The following RALGDS variants were observed in gnomAD, a reference collection of about 807,000 sequenced individuals.
The protein encoded by RALGDS is ral guanine nucleotide exchange factor.
RALGDS carries 44 observed loss-of-function variants against 99.8 expected under a neutral mutation model. The observed-to-expected ratio is 0.44, with a 90% CI of 0.35 to 0.57. RALGDS has a LOEUF of 0.57. Among genes scored for constraint, RALGDS ranks in the 20% least tolerant of loss-of-function variants. RALGDS has a pLI of 0.01. For missense variants in RALGDS, 1,022 were observed against 1,203.1 expected, an observed-to-expected ratio of 0.85 and a Z score of 2.23; for synonymous variants, 529 against 505.0, an observed-to-expected ratio of 1.05 and a Z score of -0.64.
chr9:133,122,884 C>T (rs1831997857), upstream of RALGDS, among the ~76,000 whole-genome samples: 1 of 152,042 alleles, frequency 6.6e-6, no homozygotes, highest in Non-Finnish European at 1.5e-5. Flanking sequence ...CTGTATTTTT[C>T]GTAGAGACAG....
chr9:133,108,913 G>T, intron 4 of RALGDS, 47 bp from the exon 5 acceptor site: 1 of 1,543,892 alleles, frequency 6.5e-7, no homozygotes, highest in Non-Finnish European at 8.9e-7. Context: ...GGGCTCCCCT[G>T]AGCCAGGCTG....
At chr9:133,136,097 C>T (rs1832421201), upstream of RALGDS, among the ~76,000 whole-genome samples, 1 of 152,130 alleles carries the variant, frequency 6.6e-6, no homozygotes, top group Admixed American at 6.6e-5. Flanking sequence ...TACTGAACAC[C>T]TACTAGGTGC....
At position 133,144,013 on chromosome 9, in the gene RALGDS, G is replaced by A. The variant is rs534997635; in HGVS notation, c.18+4950C>T. Among the ~76,000 whole-genome samples the A allele has an allele frequency of 3.0e-3, 457 of 152,174 alleles. 2 individuals carry two copies. The Middle Eastern group carries it at 0.031, about 10-fold the overall frequency. On this transcript the variant is annotated intron_variant, in intron 1 of 17. Transcript: ENST00000393160. The surrounding 1 kb of genome is among the most constrained non-coding windows in gnomAD (Gnocchi z 4.5). ...GCTGTGCTGACCCCCACCAGGAGCA[G>A]CAGGACCACCTCAGGCATCCCAGCT...
chr9:133,116,321 C>T (rs945085737), intron 1 of RALGDS, among the ~76,000 whole-genome samples: 3 of 152,266 alleles, frequency 2.0e-5, no homozygotes, highest in African/African-American at 4.8e-5. Flanking sequence ...CGGGACGACA[C>T]GCGGTGCCTG....
intron 1 of RALGDS, among the ~76,000 whole-genome samples, chr9:133,148,006 C>T (rs1450842647): frequency 6.6e-6 from 1 of 152,190 alleles, no homozygotes; most frequent in Non-Finnish European, 1.5e-5. Context: ...CAAGAGTTGT[C>T]CAGTGCTTGG....
rs1318847394 is a variant in RALGDS, at chr9:133,137,666, C to A, written c.18+11297G>T. Among the ~76,000 whole-genome samples, 8 of 152,354 alleles carry A rather than the reference C, an allele frequency of 5.3e-5. No individual in the cohort carries two copies. The East Asian group carries it at 1.4e-3, about 26-fold the overall frequency. ...AGCCAGGCTTTCTGGGAAGCAAGAG[C>A]CCTTTTTCTTAGAAGCAGGGCCCTG... is the stretch of plus-strand genomic sequence containing the variant. On this transcript the variant is annotated intron_variant, in intron 1 of 17. Transcript: ENST00000393160.
In RALGDS at chr9:133,098,359, C is replaced by G; in HGVS notation, c.*228G>C. The G allele has an allele frequency of 1.7e-6, 1 of 577,282 alleles. No homozygotes were observed. Among genetic ancestry groups the G allele is most frequent in the Non-Finnish European group, 3.1e-6 (1 of 322,866 alleles). 35.8% of individuals were successfully genotyped at this position (577,282 alleles called of 1,614,324 possible). On this transcript the variant is annotated 3_prime_UTR_variant, in exon 18 of 18. Transcript: ENST00000372050. ...GCTCCTTGGCAAAAGTCAGCTAGTC[C>G]TCTGGTTCCAGAGAGCAGAAGGCAC...
Position 133,100,098 on chromosome 9 carries a change from T to C in RALGDS, c.2569+170A>G, listed in dbSNP as rs1830682905. Reference sequence around the variant, plus strand: ...AAGGGCACACACTGGGGAGGTCCAGTGGTTGCTGGGGACAGCAAGCAGACA... The same window carrying C: ...AAGGGCACACACTGGGGAGGTCCAGCGGTTGCTGGGGACAGCAAGCAGACA... On this transcript the variant is annotated intron_variant, in intron 17 of 17. Coordinates refer to ENST00000372050, the MANE Select transcript of RALGDS (RefSeq NM_006266.4). The C allele has an allele frequency of 4.2e-6, 3 of 721,036 alleles. No homozygotes were observed. In the East Asian group the frequency reaches 7.4e-5, roughly 18 times the overall value. The allele number at this position is 721,036 out of a possible 1,614,324, so 44.7% of individuals were successfully genotyped here.
chr9:133,103,190 TC>T (rs1830843812), intron 12 of RALGDS, 39 bp downstream of exon 12: 1 of 1,612,978 alleles, frequency 6.2e-7, no homozygotes, highest in African/African-American at 1.3e-5. Context: ...GGGTCTGTTT[TC>T]CACCCCTCCC....
At chr9:133,125,193 G>C (rs558633311), upstream of RALGDS, among the ~76,000 whole-genome samples, 80 of 152,308 alleles carry the variant, frequency 5.3e-4, no homozygotes, top group Non-Finnish European at 9.8e-4. Flanking sequence ...CTACATATTG[G>C]ATGACATTAG....
intron 1 of RALGDS, among the ~76,000 whole-genome samples, chr9:133,146,380 CGG>C (rs1832623236): frequency 6.6e-6 from 1 of 152,110 alleles, no homozygotes; most frequent in South Asian, 2.1e-4. Context: ...TTTGTAGAGA[CGG>C]GGTTTCACCA....
At chr9:133,107,363 C>T (rs892487583) in intron 6 of RALGDS, 63 bp from the exon 7 acceptor site, 60 of 1,421,802 alleles carry the variant, frequency 4.2e-5, no homozygotes, top group Middle Eastern at 3.5e-4. Flanking sequence ...GCTGGGGAAG[C>T]TGAGGATGCA....
In RALGDS at chr9:133,121,179, G is replaced by GCAAA. The variant is rs1172726928; in HGVS notation, c.-26_-25insTTTG. The GCAAA allele has an allele frequency of 9.6e-7, 1 of 1,043,586 alleles. No individual in the cohort carries two copies. The highest frequency in any genetic ancestry group is 1.8e-5 in the African/African-American group (1 of 56,248). 64.6% of individuals were successfully genotyped at this position (1,043,586 alleles called of 1,614,324 possible). On this transcript the variant is annotated 5_prime_UTR_variant, in exon 1 of 18. Coordinates refer to ENST00000372050, the MANE Select transcript of RALGDS (RefSeq NM_006266.4). ...TGGAAGGCTCGCAGCGCGGGCGCGG[G>GCAAA]GCCGGCCCGGCGCGCGGCGGGGGCG...
intron 8 of RALGDS, 128 bp from the exon 9 acceptor site, chr9:133,106,144 G>C (rs1052509251): frequency 4.4e-5 from 32 of 728,246 alleles, no homozygotes; most frequent in Middle Eastern, 3.1e-4. Context: ...GTACCCCAGA[G>C]CACTAACGCT....
At chr9:133,125,511 A>C (rs528832313), upstream of RALGDS, among the ~76,000 whole-genome samples, 1 of 152,180 alleles carries the variant, frequency 6.6e-6, no homozygotes, top group Non-Finnish European at 1.5e-5. Context: ...AGCTGGGTGG[A>C]TCACTTGAGG....
chr9:133,129,878 C>T (rs1276285465), intron 1 of RALGDS, among the ~76,000 whole-genome samples: 2 of 148,934 alleles, frequency 1.3e-5, no homozygotes. Flanking sequence ...TGCAGTGGTG[C>T]GACCTCGGCT....
intron 1 of RALGDS, among the ~76,000 whole-genome samples, chr9:133,129,827 TTTC>T (rs1336611077): frequency 5.9e-4 from 80 of 135,122 alleles, no homozygotes; most frequent in Middle Eastern, 3.6e-3. Flanking sequence ...TTTTTTTTTT[TTTC>T]CCTGAGATGG....
At chr9:133,098,846 G>T in intron 17 of RALGDS, 84 bp from the exon 18 acceptor site, 1 of 1,415,230 alleles carries the variant, frequency 7.1e-7, no homozygotes, top group Non-Finnish European at 9.9e-7. Context: ...CCCATACAAG[G>T]ACTGTCTTGA....
At position 133,110,339 on chromosome 9, in the gene RALGDS, C is replaced by T; in HGVS notation, c.445G>A (p.Ala149Thr). The change falls in exon 3 of 18, where the codon GCC becomes ACC. Residue 149 changes from alanine (A) to threonine (T), a missense_variant. By Grantham distance (58) the Ala-to-Thr change is moderately conservative (BLOSUM62 0). Transcript: ENST00000372050. ...YVTIFLCTYRAFTTTQQVLDL... is the reference protein window; with the variant it reads ...YVTIFLCTYRTFTTTQQVLDL... ...AGGACCTGTTGGGTGGTGGTGAAGG[C>T]TCTATAGGTACACAGGAAGATGGTG... is the stretch of plus-strand genomic sequence containing the variant. 1 of 1,613,944 alleles carries T rather than the reference C, an allele frequency of 6.2e-7. No homozygotes were observed. Among genetic ancestry groups the T allele is most frequent in the African/African-American group, 1.3e-5 (1 of 75,062 alleles).
Sources: gnomAD v4.1 joint callset for allele counts (sites outside exome capture counted in the v4.1 genomes callset) on GRCh38, gnomAD v4.1.1 for gene constraint, Gnocchi (gnomAD v3.1) non-coding constraint, MANE v1.5 for transcripts, NCBI Gene and HGNC (gene_info 2026-07-23, HGNC 2026-07-21) for gene names.